Variants in PEX7 observed in about 807,000 individuals in gnomAD.
PEX7 encodes PTS2 receptor.
A neutral mutation model predicts 47.5 loss-of-function variants in PEX7; 34 were observed. The observed-to-expected ratio is 0.72, with a 90% CI of 0.54 to 0.95. The LOEUF is 0.95. Among genes scored for constraint, PEX7 ranks in the 40% least tolerant of loss-of-function variants. The pLI, the probability that PEX7 is intolerant of heterozygous loss-of-function variation, is 0.00. For synonymous variants in PEX7, 141 were observed against 148.8 expected, an observed-to-expected ratio of 0.95 and a Z score of 0.38; for missense variants, 394 against 400.3, an observed-to-expected ratio of 0.98 and a Z score of 0.13.
chr6:136,882,008 C>A (rs1005546258), intron 8 of PEX7, among the ~76,000 whole-genome samples: 1 of 152,020 alleles, frequency 6.6e-6, no homozygotes, highest in South Asian at 2.1e-4. Context: ...TATTTGAAAT[C>A]AATGATCGTG....
chr6:136,867,909 G>C (rs62420714), intron 6 of PEX7, among the ~76,000 whole-genome samples: 2 of 152,190 alleles, frequency 1.3e-5, no homozygotes, highest in Non-Finnish European at 2.9e-5. Flanking sequence ...GTACAGTAAT[G>C]TTCTAGGCCT....
chr6:136,873,484 A>C (rs574278609), intron 8 of PEX7, among the ~76,000 whole-genome samples: 1 of 152,296 alleles, frequency 6.6e-6, no homozygotes, highest in South Asian at 2.1e-4. Context: ...TTTGATACTC[A>C]GTAGCAATGT....
chr6:136,827,370 A>G (rs148845325), intron 3 of PEX7, among the ~76,000 whole-genome samples: 173 of 152,358 alleles, frequency 1.1e-3, no homozygotes, highest in East Asian at 5.8e-3. Flanking sequence ...GTAAATTACT[A>G]TGTTTTCAGG....
At chr6:136,871,389 C>T (rs534521033) in intron 7 of PEX7, among the ~76,000 whole-genome samples, 18 of 152,056 alleles carry the variant, frequency 1.2e-4, no homozygotes, top group African/African-American at 4.1e-4. Context: ...ATACAAATAA[C>T]GTAAAAATAA....
intron 5 of PEX7, among the ~76,000 whole-genome samples, chr6:136,855,320 GTTCTT>G (rs962077958): frequency 3.3e-5 from 5 of 150,646 alleles, no homozygotes; most frequent in African/African-American, 1.2e-4. Context: ...ATTATTTAAA[GTTCTT>G]TTCTTTTTCT....
intron 9 of PEX7, among the ~76,000 whole-genome samples, chr6:136,907,887 T>G (rs974407639): frequency 3.7e-4 from 56 of 152,298 alleles, no homozygotes; most frequent in Middle Eastern, 3.4e-3. Context: ...AAAATCCACA[T>G]TTATGGGACC....
chr6:136,842,935 G>A (rs753016637), intron 3 of PEX7, among the ~76,000 whole-genome samples: 3 of 152,182 alleles, frequency 2.0e-5, no homozygotes, highest in Non-Finnish European at 2.9e-5. Flanking sequence ...GTGGAGAGGG[G>A]CTTTAAGATC....
At chr6:136,907,564 G>T (rs1330455122) in intron 9 of PEX7, among the ~76,000 whole-genome samples, 1 of 151,762 alleles carries the variant, frequency 6.6e-6, no homozygotes, top group Non-Finnish European at 1.5e-5. Flanking sequence ...GTGTCATAAA[G>T]ATAATTACAG....
chr6:136,855,508 T>G lies in PEX7; in HGVS notation c.526+9327T>G, dbSNP rs539641086. On this transcript the variant is annotated intron_variant, in intron 5 of 9. Coordinates refer to ENST00000318471, the MANE Select transcript of PEX7 (RefSeq NM_000288.4). ...GCACGTGCCACTATGCCCGGCTAAT[T>G]TTTGTATTTTTAGTAGAGCCGGGCT... Among the ~76,000 whole-genome samples, 14 of 152,188 alleles carry G rather than the reference T, an allele frequency of 9.2e-5. No homozygotes were observed. In the South Asian group the frequency reaches 1.2e-3, roughly 14 times the overall value.
At chr6:136,867,052 CT>C (rs1023771687) in intron 6 of PEX7, among the ~76,000 whole-genome samples, 2 of 152,034 alleles carry the variant, frequency 1.3e-5, no homozygotes, top group African/African-American at 4.8e-5. Flanking sequence ...TCATCTTTTG[CT>C]TTTATTTCTT....
rs1398785445 is a variant in PEX7, at chr6:136,853,062, A to G, written c.526+6881A>G. On this transcript the variant is annotated intron_variant, in intron 5 of 9. Transcript: ENST00000318471. The stretch of plus-strand genomic sequence containing the variant: ...CCTGAGAAAAACAAGCAATGGGGAA[A>G]GGATTCCCTATTTAATAAATGGTGC... 2.6e-5 allele frequency among the ~76,000 whole-genome samples: 4 copies of G among 151,728 alleles called. No homozygotes were observed. The East Asian group carries it at 7.8e-4, about 29-fold the overall frequency.
chr6:136,850,777 G>T (rs1034277485), intron 5 of PEX7, among the ~76,000 whole-genome samples: 2 of 152,036 alleles, frequency 1.3e-5, no homozygotes, highest in Non-Finnish European at 2.9e-5. Context: ...CTGGCCTCAT[G>T]AATAAAAATT....
At position 136,822,790 on chromosome 6, in the gene PEX7, T is replaced by C; in HGVS notation, c.125T>C (p.Ile42Thr). ...LACATAQHYG[I>T]AGCGTLLILD... ...TGCGCCACCGCGCAGCACTACGGCA[T>C]CGCGGGTGAGGCGGCGCCGCGCAGC... Residue 42 changes from isoleucine to threonine, a missense_variant, in exon 1 of 10, where the codon ATC becomes ACC. By Grantham distance (89) the Ile-to-Thr change is moderately conservative (BLOSUM62 -1). Transcript: ENST00000318471. 7.5e-7 allele frequency: 1 copy of C among 1,337,108 alleles called. No homozygotes were observed. Among genetic ancestry groups the C allele is most frequent in the Non-Finnish European group, 9.5e-7 (1 of 1,049,308 alleles). The allele number at this position is 1,337,108 out of a possible 1,614,324, so 82.8% of individuals were successfully genotyped here.
chr6:136,833,620 G>C (rs1012150239), intron 3 of PEX7, among the ~76,000 whole-genome samples: 6 of 152,132 alleles, frequency 3.9e-5, no homozygotes, highest in Non-Finnish European at 8.8e-5. Flanking sequence ...TTTGGAATAG[G>C]TTACTGCAGT....
chr6:136,891,635 A>G (rs909068409), intron 8 of PEX7, among the ~76,000 whole-genome samples: 1 of 151,936 alleles, frequency 6.6e-6, no homozygotes, highest in African/African-American at 2.4e-5. Flanking sequence ...TAACTCTATA[A>G]AATTGTTCAA....
intron 6 of PEX7, among the ~76,000 whole-genome samples, chr6:136,869,416 T>A (rs1775134187): frequency 6.6e-6 from 1 of 151,846 alleles, no homozygotes; most frequent in South Asian, 2.1e-4. Flanking sequence ...TGGCTAATTT[T>A]TTGGGTAGAC....
At chr6:136,847,702 A>G (rs1387999988) in intron 5 of PEX7, among the ~76,000 whole-genome samples, 11 of 152,120 alleles carry the variant, frequency 7.2e-5, no homozygotes, top group African/African-American at 1.7e-4. Flanking sequence ...CCATTGGTCT[A>G]GATCTCTGTT....
At chr6:136,848,935 C>G (rs1774684557) in intron 5 of PEX7, among the ~76,000 whole-genome samples, 1 of 152,050 alleles carries the variant, frequency 6.6e-6, no homozygotes, top group Non-Finnish European at 1.5e-5. Flanking sequence ...GGTACCAGCT[C>G]CTCTTTATAC....
intron 5 of PEX7, among the ~76,000 whole-genome samples, chr6:136,848,071 A>T (rs13362783): frequency 0.016 from 2,394 of 152,080 alleles, 74 homozygotes; most frequent in African/African-American, 0.055. Flanking sequence ...ATCCCTTGTA[A>T]GTTGGATTCC....
Sources: allele counts gnomAD v4.1 joint callset (sites outside exome capture counted in the v4.1 genomes callset), GRCh38; gene constraint gnomAD v4.1.1; transcripts MANE v1.5; gene names NCBI Gene and HGNC (gene_info 2026-07-23, HGNC 2026-07-21).